The following FAF1 variants were observed in gnomAD, a reference collection of about 807,000 sequenced individuals.
FAF1 encodes the protein FAS-associated factor 1.
FAF1 carries 25 observed loss-of-function variants against 92.5 expected under a neutral mutation model. The observed-to-expected ratio is 0.27, with a 90% CI of 0.20 to 0.38. FAF1 has a LOEUF of 0.38. Among genes scored for constraint, FAF1 ranks in the 10% least tolerant of loss-of-function variants. FAF1 has a pLI of 1.00. For missense variants in FAF1, 636 were observed against 793.3 expected (o/e 0.80, Z 2.38); for synonymous variants, 234 against 273.2 (o/e 0.86, Z 1.42).
chr1:50,738,359 C>T (rs1659222439), intron 6 of FAF1, among the ~76,000 whole-genome samples: 1 of 148,264 alleles, frequency 6.7e-6, no homozygotes, highest in African/African-American at 2.5e-5. Context: ...AGGGGAATCA[C>T]TTGAATCCGG....
chr1:50,824,507 A>G (rs1644075445), intron 2 of FAF1, among the ~76,000 whole-genome samples: 1 of 152,182 alleles, frequency 6.6e-6, no homozygotes, highest in African/African-American at 2.4e-5. Flanking sequence ...ACACTTGTAC[A>G]TTGTGGGTGG....
intron 1 of FAF1, among the ~76,000 whole-genome samples, chr1:50,926,055 A>G (rs1413928934): frequency 6.6e-6 from 1 of 152,154 alleles, no homozygotes; most frequent in Non-Finnish European, 1.5e-5. Flanking sequence ...ATCTCTATAA[A>G]AAGTAAAACA....
chr1:50,471,861 T>A (rs1215205807), intron 18 of FAF1, among the ~76,000 whole-genome samples: 1 of 150,976 alleles, frequency 6.6e-6, no homozygotes, highest in Non-Finnish European at 1.5e-5. Flanking sequence ...GGAAAAAGAG[T>A]AGGCAGAAAG....
intron 15 of FAF1, among the ~76,000 whole-genome samples, chr1:50,500,312 A>T (rs1202208192): frequency 6.6e-6 from 1 of 152,166 alleles, no homozygotes; most frequent in Non-Finnish European, 1.5e-5. Context: ...TGTTGTAAAG[A>T]CAGAAAAAAA....
chr1:50,746,282 ATATATATATATTTTTTTT>A (rs1557506640), intron 4 of FAF1, among the ~76,000 whole-genome samples: 1 of 18,686 alleles, frequency 5.4e-5, no homozygotes, highest in Non-Finnish European at 8.6e-5. Context: ...ATATATATAT[ATATATATATATTTTTTTT>A]TTTTTTTTTT....
intron 18 of FAF1, among the ~76,000 whole-genome samples, chr1:50,472,091 A>G (rs1057460471): frequency 6.6e-6 from 1 of 151,970 alleles, no homozygotes; most frequent in African/African-American, 2.4e-5. Flanking sequence ...GGAAGGGCCT[A>G]TGTTTGGGCT....
At chr1:50,618,044 T>C (rs1653009366) in intron 8 of FAF1, among the ~76,000 whole-genome samples, 1 of 152,144 alleles carries the variant, frequency 6.6e-6, no homozygotes, top group Admixed American at 6.5e-5. Context: ...GATCTTCTCT[T>C]TTTTCCTTTG....
chr1:50,535,506 A>G (rs1648430300), intron 14 of FAF1, 49 bp from the exon 15 acceptor site: 4 of 1,036,978 alleles, frequency 3.9e-6, no homozygotes, highest in Non-Finnish European at 5.9e-6. Context: ...TTTATATATA[A>G]CTTCAAATTA....
At chr1:50,461,571 C>T (rs1378336384) in intron 18 of FAF1, 2 of 152,220 alleles carry the variant, frequency 1.3e-5, no homozygotes, top group Non-Finnish European at 2.9e-5. Flanking sequence ...TGAACTTATA[C>T]AGAGCAATTC....
Position 50,702,205 on chromosome 1 carries a change from C to T in FAF1, c.657+3581G>A, listed in dbSNP as rs149031495. The stretch of plus-strand genomic sequence containing the variant: ...TTTCCACACCTGGGTTTTGGATTTG[C>T]TGAAAGCAAATCAATCTTTTTTCCC... On this transcript the variant is annotated intron_variant, in intron 7 of 18. Coordinates refer to ENST00000396153, the MANE Select transcript of FAF1 (RefSeq NM_007051.3). 9.9e-5 allele frequency among the ~76,000 whole-genome samples: 15 copies of T among 152,148 alleles called. 1 individual carries two copies. In the East Asian group the frequency reaches 2.9e-3, roughly 29 times the overall value.
chr1:50,842,551 A>C (rs1223022107), intron 2 of FAF1, among the ~76,000 whole-genome samples: 6 of 152,028 alleles, frequency 3.9e-5, no homozygotes, highest in Admixed American at 3.9e-4. Flanking sequence ...CCAGACCCCT[A>C]CCTCTGCTTG....
At chr1:50,867,222 C>T (rs930152186) in intron 1 of FAF1, among the ~76,000 whole-genome samples, 1 of 152,148 alleles carries the variant, frequency 6.6e-6, no homozygotes, top group Non-Finnish European at 1.5e-5. Context: ...AAACCTGAAA[C>T]CGTACAACTC....
At chr1:50,701,401 C>T (rs888917265) in intron 7 of FAF1, among the ~76,000 whole-genome samples, 1 of 132,034 alleles carries the variant, frequency 7.6e-6, no homozygotes, top group Non-Finnish European at 1.7e-5. Context: ...AACAAACAAA[C>T]CAAAAAAAAC....
At chr1:50,689,926 T>C (rs1306540760) in intron 7 of FAF1, among the ~76,000 whole-genome samples, 2 of 152,128 alleles carry the variant, frequency 1.3e-5, no homozygotes, top group African/African-American at 2.4e-5. Context: ...AGACTCTCCA[T>C]GTTTATTAAA....
chr1:50,696,995 A>G (rs1007683906), intron 7 of FAF1, among the ~76,000 whole-genome samples: 1 of 152,244 alleles, frequency 6.6e-6, no homozygotes, highest in East Asian at 1.9e-4. Flanking sequence ...ATGTAGGCAG[A>G]CAAATATTTG....
intron 13 of FAF1, among the ~76,000 whole-genome samples, chr1:50,552,688 G>T (rs892789945): frequency 2.0e-5 from 3 of 152,072 alleles, no homozygotes; most frequent in African/African-American, 7.2e-5. Flanking sequence ...ATATAGACAG[G>T]ATAGAAAAAT....
intron 1 of FAF1, among the ~76,000 whole-genome samples, chr1:50,955,947 T>C (rs974300893): frequency 6.6e-6 from 1 of 152,128 alleles, no homozygotes; most frequent in African/African-American, 2.4e-5. Flanking sequence ...AGAGTCGAAT[T>C]CAGAGATAGA....
intron 7 of FAF1, among the ~76,000 whole-genome samples, chr1:50,703,091 T>C (rs979215582): frequency 1.3e-5 from 2 of 151,958 alleles, no homozygotes; most frequent in Non-Finnish European, 2.9e-5. Flanking sequence ...TCAATTATAT[T>C]AGTCAGGATT....
intron 2 of FAF1, among the ~76,000 whole-genome samples, chr1:50,815,759 C>T (rs985573977): frequency 6.6e-6 from 1 of 152,090 alleles, no homozygotes; most frequent in African/African-American, 2.4e-5. Context: ...CACGGTGGCT[C>T]ATGCCTGTAA....
Sources: allele counts gnomAD v4.1 joint callset (sites outside exome capture counted in the v4.1 genomes callset), GRCh38; gene constraint gnomAD v4.1.1; transcripts MANE v1.5; gene names NCBI Gene and HGNC (gene_info 2026-07-23, HGNC 2026-07-21).